Variants in TBC1D20 observed in about 807,000 individuals in gnomAD.
TBC1D20 encodes the protein chromosome 20 open reading frame 140.
A neutral mutation model predicts 41.6 loss-of-function variants in TBC1D20; 12 were observed. The observed-to-expected ratio is 0.29, with a 90% CI of 0.18 to 0.47. TBC1D20 has a LOEUF of 0.47. TBC1D20 is among the 20% of genes least tolerant of loss of function. The pLI, the probability that TBC1D20 is intolerant of heterozygous loss-of-function variation, is 1.00. For synonymous variants in TBC1D20, 205 were observed against 204.8 expected (o/e 1.00, Z -0.01); for missense variants, 421 against 517.4 (o/e 0.81, Z 1.81).
intron 1 of TBC1D20, among the ~76,000 whole-genome samples, chr20:453,199 G>A (rs1872448847): frequency 7.7e-6 from 1 of 129,718 alleles, no homozygotes; most frequent in Non-Finnish European, 1.6e-5. Context: ...CAGGCTGGGC[G>A]CAGTGGCTCA....
At chr20:440,091 C>A (rs1383579253) in intron 6 of TBC1D20, among the ~76,000 whole-genome samples, 157 bp downstream of exon 6, 1 of 151,976 alleles carries the variant, frequency 6.6e-6, no homozygotes, top group Non-Finnish European at 1.5e-5. Context: ...TGTGTGACAC[C>A]CCCATTAATA....
intron 1 of TBC1D20, among the ~76,000 whole-genome samples, chr20:453,006 G>A (rs898539628): frequency 1.3e-5 from 2 of 151,022 alleles, no homozygotes; most frequent in South Asian, 2.1e-4. Context: ...AAAATTAGCC[G>A]GGCGTGGTGG....
chr20:458,113 C>T (rs2017572687), intron 1 of TBC1D20, among the ~76,000 whole-genome samples: 1 of 152,022 alleles, frequency 6.6e-6, no homozygotes, highest in Non-Finnish European at 1.5e-5. Context: ...AGACATACAT[C>T]CACCCCATCT....
At chr20:446,178 G>A (rs1195886593) in intron 2 of TBC1D20, among the ~76,000 whole-genome samples, 1 of 152,262 alleles carries the variant, frequency 6.6e-6, no homozygotes, top group Non-Finnish European at 1.5e-5. Flanking sequence ...CTGAGTGAAT[G>A]AGCAGCAGAG....
At chr20:445,017 T>C in intron 3 of TBC1D20, 33 bp downstream of exon 3, 1 of 1,576,408 alleles carries the variant, frequency 6.3e-7, no homozygotes, top group Non-Finnish European at 8.7e-7. Context: ...ATACAGTCTT[T>C]CCAAATGTGG....
At chr20:443,243 G>T (rs1019977862) in intron 3 of TBC1D20, among the ~76,000 whole-genome samples, 2 of 152,116 alleles carry the variant, frequency 1.3e-5, no homozygotes, top group African/African-American at 4.8e-5. Context: ...AAAGTTACAC[G>T]GTCCCCTTTA....
intron 1 of TBC1D20, 92 bp from the exon 2 acceptor site, chr20:448,166 G>C: frequency 1.2e-6 from 1 of 832,610 alleles, no homozygotes; most frequent in Non-Finnish European, 2.0e-6. Context: ...ATGAGGTACA[G>C]GTAAGTATCT....
intron 3 of TBC1D20, 66 bp from the exon 4 acceptor site, chr20:442,109 A>G (rs1410370358): frequency 7.2e-7 from 1 of 1,386,744 alleles, no homozygotes; most frequent in Non-Finnish European, 9.7e-7. Context: ...AGGTCGAAGA[A>G]GGCCAGCAAT....
At chr20:448,664 G>A (rs1410016396) in intron 1 of TBC1D20, among the ~76,000 whole-genome samples, 3 of 148,606 alleles carry the variant, frequency 2.0e-5, no homozygotes, top group African/African-American at 7.5e-5. Context: ...ACTCCAGCCA[G>A]GATGACAGAG....
At chr20:441,220 T>C (rs2017223625) in intron 5 of TBC1D20, 1 of 184,324 alleles carries the variant, frequency 5.4e-6, no homozygotes, top group South Asian at 1.7e-4. Context: ...ATATTTCTTC[T>C]CTTTGGTACT....
At chr20:455,966 TA>T (rs1358119208) in intron 1 of TBC1D20, among the ~76,000 whole-genome samples, 1 of 150,240 alleles carries the variant, frequency 6.7e-6, no homozygotes, top group Non-Finnish European at 1.5e-5. Context: ...AAAAATATAA[TA>T]AAATAAAAAC....
intron 3 of TBC1D20, among the ~76,000 whole-genome samples, chr20:442,514 A>G (rs759555249): frequency 2.0e-5 from 3 of 152,282 alleles, no homozygotes; most frequent in Non-Finnish European, 1.5e-5. Context: ...AAGATATAGG[A>G]CAACAGCATG....
At position 440,250 on chromosome 20, in the gene TBC1D20, C is replaced by T. The variant is rs145450605; in HGVS notation, c.766G>A (p.Val256Met). Residue 256 changes from valine (V) to methionine (M), a missense_variant and splice_region_variant, in exon 6 of 8, where the codon GTG becomes ATG. Coordinates refer to ENST00000354200, the MANE Select transcript of TBC1D20 (RefSeq NM_144628.4). ...HPLMPIYFAA[V>M]IVLYREQEVL... ...GCTGGCTCGTGGCCTGTACCTACCACGGCTGCAAAGTAAATCGGCATCAGT... is the reference window on the plus strand; with the variant it reads ...GCTGGCTCGTGGCCTGTACCTACCATGGCTGCAAAGTAAATCGGCATCAGT... 1.0e-4 allele frequency: 161 copies of T among 1,611,932 alleles called. No homozygotes were observed. In the East Asian group the frequency reaches 1.0e-3, roughly 10 times the overall value.
At chr20:456,876 A>G (rs1181574580) in intron 1 of TBC1D20, among the ~76,000 whole-genome samples, 1 of 150,956 alleles carries the variant, frequency 6.6e-6, no homozygotes, top group Non-Finnish European at 1.5e-5. Context: ...AAGAATGACT[A>G]CTTCTAAAGC....
Position 436,339 on chromosome 20 carries a change from C to T in TBC1D20, c.*2247G>A, listed in dbSNP as rs1014830209. On this transcript the variant is annotated 3_prime_UTR_variant, in exon 8 of 8. Coordinates refer to ENST00000354200, the MANE Select transcript of TBC1D20 (RefSeq NM_144628.4). ...CAGGGCTCTGTACAAAATATTTACA[C>T]ATATTCTTTACAGAATAAGTAAACC... The T allele has an allele frequency of 2.6e-5, 4 of 152,290 alleles. No individual in the cohort carries two copies. Among genetic ancestry groups the T allele is most frequent in the African/African-American group, 7.2e-5 (3 of 41,460 alleles). 9.4% of individuals were successfully genotyped at this position (152,290 alleles called of 1,614,324 possible).
intron 1 of TBC1D20, among the ~76,000 whole-genome samples, chr20:451,930 T>C (rs570131770): frequency 2.8e-4 from 42 of 152,374 alleles, no homozygotes; most frequent in Admixed American, 9.8e-4. Context: ...AATTGAATTC[T>C]GTATTGTAAT....
At chr20:454,236 CA>C (rs5839859) in intron 1 of TBC1D20, among the ~76,000 whole-genome samples, 10,558 of 108,262 alleles carry the variant, frequency 0.098, 412 homozygotes, top group African/African-American at 0.17. Flanking sequence ...AGTTCTGTCT[CA>C]AAAAAAAAAA....
chr20:448,579 C>T (rs913994360), intron 1 of TBC1D20, among the ~76,000 whole-genome samples: 5 of 151,692 alleles, frequency 3.3e-5, no homozygotes, highest in Admixed American at 2.0e-4. Context: ...GTCCCAGCTA[C>T]TCAGGAGGCT....
intron 1 of TBC1D20, among the ~76,000 whole-genome samples, chr20:458,395 C>A (rs539258138): frequency 6.6e-6 from 1 of 151,776 alleles, no homozygotes; most frequent in South Asian, 2.1e-4. Flanking sequence ...CTCACTGCAG[C>A]CTCAACCTTC....
Sources: gnomAD v4.1 joint callset for allele counts (sites outside exome capture counted in the v4.1 genomes callset) on GRCh38, gnomAD v4.1.1 for gene constraint, MANE v1.5 for transcripts, NCBI Gene and HGNC (gene_info 2026-07-23, HGNC 2026-07-21) for gene names.